The following AUTS2 variants were observed in gnomAD, a reference collection of about 807,000 sequenced individuals.
AUTS2 encodes the protein autism susceptibility gene 2 protein.
AUTS2 carries 17 observed loss-of-function variants against 112.4 expected under a neutral mutation model. The ratio of observed to expected loss-of-function variants is 0.15; its 90% CI spans 0.10 to 0.23. The LOEUF (loss-of-function observed/expected upper bound fraction) is 0.23, where lower values mean the gene tolerates loss of function less well. Among genes scored for constraint, AUTS2 ranks in the 10% least tolerant of loss-of-function variants. The pLI is 1.00. For synonymous variants in AUTS2, 751 were observed against 702.7 expected, an observed-to-expected ratio of 1.07 and a Z score of -1.09; for missense variants, 1,510 against 1,701.6, an observed-to-expected ratio of 0.89 and a Z score of 1.98.
At chr7:70,639,566 A>G (rs1352952072) in intron 5 of AUTS2, among the ~76,000 whole-genome samples, 1 of 143,024 alleles carries the variant, frequency 7.0e-6, no homozygotes, top group African/African-American at 2.6e-5. Flanking sequence ...GCAGTGAGCT[A>G]TGATTACACC....
intron 5 of AUTS2, among the ~76,000 whole-genome samples, chr7:70,656,429 A>T (rs1488184440): frequency 6.6e-6 from 1 of 151,644 alleles, no homozygotes; most frequent in Admixed American, 6.6e-5. Flanking sequence ...AATATTATGT[A>T]TATAAAATTA....
rs796839021 is a variant in AUTS2 at position 70,287,152 on chromosome 7, T to C, written c.661-148600T>C. On this transcript the variant is annotated intron_variant, in intron 4 of 18. Transcript: ENST00000342771. The stretch of plus-strand genomic sequence containing the variant: ...GTTGTTCTTCTGGTTTTGCTCCTTA[T>C]GAGATTCGCTGGATCTCTGTATCTC... Among the ~76,000 whole-genome samples, 26 of 152,334 alleles carry C rather than the reference T, an allele frequency of 1.7e-4. 1 individual carries two copies. The highest frequency in any genetic ancestry group is 6.0e-4 in the African/African-American group (25 of 41,596).
chr7:70,323,751 T>C (rs1207442087), intron 4 of AUTS2, among the ~76,000 whole-genome samples: 2 of 152,234 alleles, frequency 1.3e-5, no homozygotes, highest in African/African-American at 4.8e-5. Context: ...TTAATTTCAT[T>C]AGCTATAATA....
chr7:69,962,300 C>G (rs2129547100), intron 2 of AUTS2, among the ~76,000 whole-genome samples: 1 of 152,256 alleles, frequency 6.6e-6, no homozygotes, highest in Middle Eastern at 3.4e-3. Flanking sequence ...TGGCTTCTTT[C>G]CTGCTAGGCC....
chr7:70,646,723 G>A (rs1231484986), intron 5 of AUTS2, among the ~76,000 whole-genome samples: 10 of 152,238 alleles, frequency 6.6e-5, no homozygotes, highest in Admixed American at 2.0e-4. Context: ...GATTGACTCC[G>A]ATGCAGTGCC....
intron 4 of AUTS2, among the ~76,000 whole-genome samples, chr7:70,244,833 A>G (rs1812810239): frequency 1.3e-5 from 2 of 152,132 alleles, no homozygotes; most frequent in Admixed American, 1.3e-4. Context: ...AAGTAAGTGC[A>G]AGATGGCCGG....
chr7:70,154,142 G>A (rs2129576575), intron 4 of AUTS2, among the ~76,000 whole-genome samples: 1 of 152,264 alleles, frequency 6.6e-6, no homozygotes, highest in African/African-American at 2.4e-5. Flanking sequence ...CTTGACAAAA[G>A]CAAGGTCTCT....
chr7:70,223,253 A>T (rs977641124), intron 4 of AUTS2, among the ~76,000 whole-genome samples: 2 of 152,200 alleles, frequency 1.3e-5, no homozygotes, highest in Non-Finnish European at 2.9e-5. Flanking sequence ...TTTGTGACAC[A>T]TGGAAAATAA....
At chr7:70,773,102 G>A (rs1044969701) in intron 11 of AUTS2, among the ~76,000 whole-genome samples, 2 of 152,208 alleles carry the variant, frequency 1.3e-5, no homozygotes, top group African/African-American at 4.8e-5. Context: ...ATGCAAATCA[G>A]GTTGTTAACA....
chr7:70,279,464 A>G (rs1255912143), intron 4 of AUTS2, among the ~76,000 whole-genome samples: 1 of 152,232 alleles, frequency 6.6e-6, no homozygotes, highest in African/African-American at 2.4e-5. Context: ...ATGAGTGGGT[A>G]GTAGAATTAA....
chr7:69,986,010 G>A (rs902298505), intron 2 of AUTS2, among the ~76,000 whole-genome samples: 1 of 152,154 alleles, frequency 6.6e-6, no homozygotes, highest in East Asian at 1.9e-4. Context: ...CGATCCTCCC[G>A]CCTCGACCTC....
Position 70,101,079 on chromosome 7 carries a change from T to G in AUTS2, c.523-17053T>G, listed in dbSNP as rs553942761. 3.3e-5 allele frequency among the ~76,000 whole-genome samples: 5 copies of G among 152,200 alleles called. No homozygotes were observed. The East Asian group carries it at 9.7e-4, about 30-fold the overall frequency. ...TTTTAGTAGAGACGGGGTTTCACCA[T>G]GTTGGCCAGGCTGGTCTCGAACTCC... is the stretch of plus-strand genomic sequence containing the variant. On this transcript the variant is annotated intron_variant, in intron 2 of 18. Transcript: ENST00000342771.
intron 6 of AUTS2, among the ~76,000 whole-genome samples, chr7:70,704,514 A>T (rs1313601944): frequency 6.6e-6 from 1 of 152,244 alleles, no homozygotes; most frequent in African/African-American, 2.4e-5. Context: ...AATATTGACC[A>T]AAAAGCTTGA....
intron 4 of AUTS2, among the ~76,000 whole-genome samples, chr7:70,353,076 T>G (rs1359142152): frequency 6.6e-6 from 1 of 152,206 alleles, no homozygotes; most frequent in African/African-American, 2.4e-5. Context: ...CTGTTCTTTT[T>G]CATTAGTGGT....
chr7:70,192,417 A>G (rs982565595), intron 4 of AUTS2, among the ~76,000 whole-genome samples: 1 of 152,238 alleles, frequency 6.6e-6, no homozygotes, highest in Non-Finnish European at 1.5e-5. Context: ...AAATGAAACG[A>G]AAGTTTTACG....
In AUTS2 at chr7:70,303,434, G is replaced by GCGCGCACA. The variant is rs1241517255; in HGVS notation, c.661-132317_661-132316insGCGCACAC. Among the ~76,000 whole-genome samples the GCGCGCACA allele has an allele frequency of 9.9e-4, 141 of 142,044 alleles. No homozygotes were observed. The South Asian group carries it at 0.011, about 12-fold the overall frequency. 93.2% of individuals were successfully genotyped at this position (142,044 alleles called of 152,430 possible). ...CACGCACACACACACGCGCGCGCGC[G>GCGCGCACA]CACATACACACACACACACACACAC... is the stretch of plus-strand genomic sequence containing the variant. On this transcript the variant is annotated intron_variant, in intron 4 of 18. Coordinates refer to ENST00000342771, the MANE Select transcript of AUTS2 (RefSeq NM_015570.4).
chr7:69,609,372 C>T (rs529513430), intron 1 of AUTS2, among the ~76,000 whole-genome samples: 6 of 152,200 alleles, frequency 3.9e-5, no homozygotes, highest in East Asian at 3.8e-4. Flanking sequence ...TCTCTCCCTG[C>T]GCTCTCTCCC....
chr7:69,729,416 A>AC (rs1786677942), intron 1 of AUTS2, among the ~76,000 whole-genome samples: 14 of 32,846 alleles, frequency 4.3e-4, no homozygotes, highest in Middle Eastern at 0.021. Flanking sequence ...AATGTCCCCC[A>AC]ACACCCCCCC....
At chr7:70,510,945 TTCAAGTGATTGTCCTGCCTCAG>T (rs1347168701) in intron 5 of AUTS2, among the ~76,000 whole-genome samples, 1 of 152,042 alleles carries the variant, frequency 6.6e-6, no homozygotes, top group African/African-American at 2.4e-5. Context: ...ACCTCCCGGG[TTCAAGTGATTGTCCTGCCTCAG>T]CCTCCTGAGT....
Sources: allele counts gnomAD v4.1 joint callset (sites outside exome capture counted in the v4.1 genomes callset), GRCh38; gene constraint gnomAD v4.1.1; transcripts MANE v1.5; gene names NCBI Gene and HGNC (gene_info 2026-07-23, HGNC 2026-07-21).